Variants in AKR1E2 observed in about 807,000 individuals in gnomAD.
AKR1E2 encodes the protein aldo-keto reductase family 1 member E2.
Under a neutral mutation model 41.9 loss-of-function variants are expected in AKR1E2, and 43 were observed. That is an observed-to-expected ratio of 1.03 (90% CI 0.80 to 1.32). The LOEUF (loss-of-function observed/expected upper bound fraction) is 1.32. Ranked by LOEUF, AKR1E2 falls within the 40% of genes most tolerant of loss-of-function variation. The pLI, the probability that AKR1E2 is intolerant of heterozygous loss-of-function variation, is 0.00. For missense variants in AKR1E2, 423 were observed against 396.5 expected, an observed-to-expected ratio of 1.07 and a Z score of -0.57; for synonymous variants, 121 against 138.9, an observed-to-expected ratio of 0.87 and a Z score of 0.91.
At chr10:4,863,438 A>C in the AKR1E2 span, among the ~76,000 whole-genome samples, 1 of 152,186 alleles carries the variant, frequency 6.6e-6, no homozygotes, top group African/African-American at 2.4e-5. Flanking sequence ...ACATACCAGA[A>C]TCTCTGGGAC....
At chr10:4,850,367 A>G (rs758193592), downstream of AKR1E2, among the ~76,000 whole-genome samples, 8 of 152,210 alleles carry the variant, frequency 5.3e-5, no homozygotes, top group Non-Finnish European at 1.0e-4. Context: ...AAATCCAAGG[A>G]TAAGTGGTAA....
At chr10:4,858,004 CT>C in the AKR1E2 span, among the ~76,000 whole-genome samples, 3 of 151,996 alleles carry the variant, frequency 2.0e-5, no homozygotes, top group African/African-American at 7.2e-5. Context: ...CTTCTCTTGT[CT>C]TTATTATTTC....
At position 4,826,961 on chromosome 10, in the gene AKR1E2, A is replaced by G. The variant is rs1832573854; in HGVS notation, c.39+598A>G. ...CTTGGGGGTGCGCGCCTGTGGTCCC[A>G]GCTACTCAGGAGGCTGAGGTGGGAG... On this transcript the variant is annotated intron_variant, in intron 1 of 9. Coordinates refer to ENST00000298375, the MANE Select transcript of AKR1E2 (RefSeq NM_001040177.3). 1.3e-5 allele frequency among the ~76,000 whole-genome samples: 2 copies of G among 151,724 alleles called. 1 individual carries two copies.
chr10:4,862,027 T>C, the AKR1E2 span, among the ~76,000 whole-genome samples: 5 of 152,312 alleles, frequency 3.3e-5, no homozygotes, highest in East Asian at 9.6e-4. Flanking sequence ...CTGAATGGTA[T>C]TGCCTAGGTT....
intron 4 of AKR1E2, 121 bp from the exon 5 acceptor site, chr10:4,837,338 A>G (rs1357932765): frequency 7.3e-7 from 1 of 1,372,146 alleles, no homozygotes; most frequent in African/African-American, 1.4e-5. Context: ...AGCTTCAAGT[A>G]AAATATTGTA....
chr10:4,852,627 A>G (rs1834549766), downstream of AKR1E2, among the ~76,000 whole-genome samples: 1 of 152,188 alleles, frequency 6.6e-6, no homozygotes, highest in Non-Finnish European at 1.5e-5. Context: ...CCTGGTGTCT[A>G]ATGAATTTAC....
the AKR1E2 span, among the ~76,000 whole-genome samples, chr10:4,856,889 C>T: frequency 5.3e-5 from 8 of 151,336 alleles, no homozygotes; most frequent in East Asian, 3.9e-4. Context: ...CTCTACTGTT[C>T]GGTGGTATTA....
Position 4,826,316 on chromosome 10 carries a change from G to A in AKR1E2, c.-9G>A. The A allele has an allele frequency of 3.2e-6, 4 of 1,233,560 alleles. No homozygotes were observed. The highest frequency in any genetic ancestry group is 4.1e-6 in the Non-Finnish European group (4 of 987,344). 76.4% of individuals were successfully genotyped at this position (1,233,560 alleles called of 1,614,324 possible). On this transcript the variant is annotated 5_prime_UTR_variant, in exon 1 of 10. Coordinates refer to ENST00000298375, the MANE Select transcript of AKR1E2 (RefSeq NM_001040177.3). ...GGGCGGCGGGGCGGCGGGGCGGCCGGCGGCGGCCATGGGAGATATCCCAGC... is the reference window on the plus strand; with the variant it reads ...GGGCGGCGGGGCGGCGGGGCGGCCGACGGCGGCCATGGGAGATATCCCAGC...
chr10:4,829,481 A>C (rs895898833), intron 1 of AKR1E2, among the ~76,000 whole-genome samples: 1 of 152,174 alleles, frequency 6.6e-6, no homozygotes, highest in African/African-American at 2.4e-5. Flanking sequence ...GGGTTATGCT[A>C]GTTTTGTAGA....
At chr10:4,844,886 G>A (rs1433461942) in intron 8 of AKR1E2, among the ~76,000 whole-genome samples, 1 of 152,222 alleles carries the variant, frequency 6.6e-6, no homozygotes, top group Non-Finnish European at 1.5e-5. Context: ...GCAGGTGAAG[G>A]CGCCTGCCAG....
At chr10:4,872,876 T>C in the AKR1E2 span, among the ~76,000 whole-genome samples, 31 of 152,254 alleles carry the variant, frequency 2.0e-4, no homozygotes, top group East Asian at 5.4e-3. Flanking sequence ...TTTAGATAAG[T>C]GACAGAGAAG....
chr10:4,842,963 C>G (rs1425181679), intron 8 of AKR1E2, among the ~76,000 whole-genome samples: 2 of 152,178 alleles, frequency 1.3e-5, no homozygotes, highest in African/African-American at 4.8e-5. Context: ...TGGGAAGATT[C>G]TGGTCCTGAC....
At chr10:4,837,382 T>C in intron 4 of AKR1E2, 77 bp from the exon 5 acceptor site, 3 of 1,564,036 alleles carry the variant, frequency 1.9e-6, no homozygotes, top group Non-Finnish European at 2.6e-6. Context: ...TAGAATACCA[T>C]ACAGAACTGC....
downstream of AKR1E2, among the ~76,000 whole-genome samples, chr10:4,848,450 T>A (rs1414722367): frequency 6.6e-6 from 1 of 152,238 alleles, no homozygotes; most frequent in Non-Finnish European, 1.5e-5. Flanking sequence ...GTCTTTGCTG[T>A]CTGCTCAGTG....
At position 4,833,418 on chromosome 10, in the gene AKR1E2, G is replaced by C; in HGVS notation, c.276G>C (p.Lys92Asn). 1 of 1,614,174 alleles carries C rather than the reference G, an allele frequency of 6.2e-7. No homozygotes were observed. Among genetic ancestry groups the C allele is most frequent in the Non-Finnish European group, 8.5e-7 (1 of 1,180,042 alleles). The stretch of plus-strand genomic sequence containing the variant: ...GCAGAAAGAGTCTCAAGGCCTTGAA[G>C]CTGAACTATTTGGACCTCTACCTCA... ...TACRKSLKAL[K>N]LNYLDLYLIH... The change falls in exon 3 of 10, where the codon AAG (lysine) becomes AAC (asparagine). Residue 92 changes from lysine to asparagine, a missense_variant. Transcript: ENST00000298375.
chr10:4,829,804 T>C (rs547973325), intron 1 of AKR1E2, among the ~76,000 whole-genome samples: 1 of 152,232 alleles, frequency 6.6e-6, no homozygotes, highest in Non-Finnish European at 1.5e-5. Flanking sequence ...TTCATCAACC[T>C]AGCCAGAAGT....
chr10:4,851,049 G>A (rs1262655494), downstream of AKR1E2, among the ~76,000 whole-genome samples: 1 of 152,126 alleles, frequency 6.6e-6, no homozygotes, highest in African/African-American at 2.4e-5. Flanking sequence ...GGGAGACTTG[G>A]TCTTGCCCTT....
At chr10:4,835,858 C>T (rs377394264) in intron 4 of AKR1E2, 49 bp downstream of exon 4, 17 of 1,605,874 alleles carry the variant, frequency 1.1e-5, no homozygotes, top group South Asian at 2.2e-5. Flanking sequence ...TGGGTCTCCA[C>T]CCAGGATGCA....
the AKR1E2 span, among the ~76,000 whole-genome samples, chr10:4,861,383 T>C: frequency 2.0e-5 from 3 of 152,102 alleles, no homozygotes; most frequent in African/African-American, 4.8e-5. Flanking sequence ...TTCTTTTTCT[T>C]TTCTTGAGAT....
Sources: gnomAD v4.1 joint callset for allele counts (sites outside exome capture counted in the v4.1 genomes callset) on GRCh38, gnomAD v4.1.1 for gene constraint, MANE v1.5 for transcripts, NCBI Gene and HGNC (gene_info 2026-07-23, HGNC 2026-07-21) for gene names.